The following KIAA1217 variants were observed in gnomAD, a reference collection of about 807,000 sequenced individuals.
KIAA1217 encodes the protein sickle tail protein homolog.
KIAA1217 carries 88 observed loss-of-function variants against 163.9 expected under a neutral mutation model. The ratio of observed to expected loss-of-function variants is 0.54; its 90% CI spans 0.45 to 0.64. The LOEUF (loss-of-function observed/expected upper bound fraction) is 0.64, where lower values mean the gene tolerates loss of function less well. KIAA1217 is among the 30% of genes least tolerant of loss of function. KIAA1217 has a pLI of 0.00. For synonymous variants in KIAA1217, 903 were observed against 923.1 expected (o/e 0.98, Z 0.39); for missense variants, 2,372 against 2,475.0 (o/e 0.96, Z 0.88).
chr10:24,429,481 C>T (rs1591849330), intron 3 of KIAA1217, among the ~76,000 whole-genome samples: 1 of 152,074 alleles, frequency 6.6e-6, no homozygotes, highest in South Asian at 2.1e-4. Flanking sequence ...TTTCATATTG[C>T]TCTTCTCTCT....
upstream of KIAA1217, among the ~76,000 whole-genome samples, chr10:24,204,471 A>T (rs1182502761): frequency 6.6e-6 from 1 of 152,174 alleles, no homozygotes; most frequent in Admixed American, 6.5e-5. Context: ...ATTGTTTAAG[A>T]TTAATTATTT....
At chr10:24,405,296 A>AT (rs1050276223) in intron 3 of KIAA1217, among the ~76,000 whole-genome samples, 5 of 152,090 alleles carry the variant, frequency 3.3e-5, no homozygotes, top group Admixed American at 1.3e-4. Context: ...TCTTATTATA[A>AT]TTTTTTTCAA....
rs1307460082 is a variant in KIAA1217 at position 24,092,903 on chromosome 10, T to C, written c.-171+85529T>C. ...AAGTGAATTTTACTGTGTGTATGTA[T>C]AGTGTGTGTGTGTGTGTGTGTGTGT... is the stretch of plus-strand genomic sequence containing the variant. On this transcript the variant is annotated intron_variant, in intron 2 of 18. Coordinates refer to the KIAA1217 transcript ENST00000376462. Among the ~76,000 whole-genome samples the C allele has an allele frequency of 2.2e-5, 3 of 135,408 alleles. 1 individual carries two copies. The highest frequency in any genetic ancestry group is 1.0e-4 in the African/African-American group (3 of 29,154). 88.8% of individuals were successfully genotyped at this position (135,408 alleles called of 152,430 possible). A position where few individuals can be genotyped will look rare whatever the true frequency, so the allele number is the denominator to read the frequency against.
chr10:24,434,341 A>G (rs1312942941), intron 4 of KIAA1217, among the ~76,000 whole-genome samples: 2 of 151,722 alleles, frequency 1.3e-5, no homozygotes, highest in Non-Finnish European at 2.9e-5. Flanking sequence ...GCCTGGCCTC[A>G]TCTCTCTTTT....
At chr10:24,238,460 C>G (rs2072585014) in intron 2 of KIAA1217, among the ~76,000 whole-genome samples, 1 of 152,078 alleles carries the variant, frequency 6.6e-6, no homozygotes, top group Admixed American at 6.6e-5. Flanking sequence ...GGACCATTTC[C>G]CAAAGCCTAG....
At chr10:24,147,006 TAAAAAAAAAAA>T (rs755857019) in intron 2 of KIAA1217, among the ~76,000 whole-genome samples, 3 of 110,726 alleles carry the variant, frequency 2.7e-5, no homozygotes, top group Non-Finnish European at 5.7e-5. Context: ...TTTGTTTTGT[TAAAAAAAAAAA>T]AAAAAAAAAA....
At chr10:24,448,307 T>C (rs1168278329) in intron 5 of KIAA1217, among the ~76,000 whole-genome samples, 1 of 152,172 alleles carries the variant, frequency 6.6e-6, no homozygotes, top group Admixed American at 6.5e-5. Flanking sequence ...ACTAAATCCC[T>C]AGACAACAAA....
chr10:24,065,624 GT>G (rs1347112570), intron 2 of KIAA1217, among the ~76,000 whole-genome samples: 6 of 152,220 alleles, frequency 3.9e-5, no homozygotes, highest in African/African-American at 1.4e-4. Context: ...TTCTGTTGAT[GT>G]GGGGTGGAGA....
chr10:24,277,090 T>G (rs2077389318), intron 2 of KIAA1217, among the ~76,000 whole-genome samples: 1 of 152,214 alleles, frequency 6.6e-6, no homozygotes, highest in Non-Finnish European at 1.5e-5. Context: ...AAACCAATCT[T>G]AAAATGTTTT....
At chr10:24,274,655 C>T (rs2077091755) in intron 2 of KIAA1217, among the ~76,000 whole-genome samples, 1 of 152,016 alleles carries the variant, frequency 6.6e-6, no homozygotes, top group South Asian at 2.1e-4. Context: ...ACTGAATTTC[C>T]TAGGGGAAAT....
At chr10:24,305,062 A>G (rs1047572577) in intron 2 of KIAA1217, among the ~76,000 whole-genome samples, 1 of 152,220 alleles carries the variant, frequency 6.6e-6, no homozygotes, top group Non-Finnish European at 1.5e-5. Context: ...GATGCAGGCA[A>G]AAGATGATGA....
At chr10:24,523,917 T>G (rs953928159) in intron 12 of KIAA1217, among the ~76,000 whole-genome samples, 7 of 152,102 alleles carry the variant, frequency 4.6e-5, no homozygotes, top group Non-Finnish European at 1.0e-4. Context: ...GGGAAGCCAG[T>G]GAGCAACAGG....
At chr10:24,479,987 GC>G (rs2133265721) in intron 6 of KIAA1217, among the ~76,000 whole-genome samples, 1 of 152,290 alleles carries the variant, frequency 6.6e-6, no homozygotes, top group Admixed American at 6.5e-5. Context: ...TCCCAGCACT[GC>G]CACGTGGGGG....
intron 2 of KIAA1217, among the ~76,000 whole-genome samples, chr10:24,106,606 G>T (rs1250910932): frequency 6.6e-6 from 1 of 152,016 alleles, no homozygotes; most frequent in Non-Finnish European, 1.5e-5. Flanking sequence ...CCTCAGTGAT[G>T]GGAGTTGGAA....
chr10:23,864,312 T>C (rs1031511300), intron 1 of KIAA1217, among the ~76,000 whole-genome samples: 1 of 152,106 alleles, frequency 6.6e-6, no homozygotes, highest in African/African-American at 2.4e-5. Flanking sequence ...CTGTGATAAC[T>C]GTCCGTTTTG....
At chr10:24,501,693 C>G (rs1564810460) in intron 9 of KIAA1217, 148 bp downstream of exon 9, 6 of 452,794 alleles carry the variant, frequency 1.3e-5, no homozygotes, top group East Asian at 3.6e-5. Context: ...AAGTCTAGAG[C>G]CTTCCACTGC....
At chr10:23,785,399 G>C (rs1217642505) in intron 1 of KIAA1217, among the ~76,000 whole-genome samples, 1 of 152,128 alleles carries the variant, frequency 6.6e-6, no homozygotes, top group Non-Finnish European at 1.5e-5. Context: ...ACACATTTCT[G>C]TTATGGGACT....
At chr10:24,359,617 C>T (rs186608547) in intron 2 of KIAA1217, among the ~76,000 whole-genome samples, 19 of 152,248 alleles carry the variant, frequency 1.2e-4, no homozygotes, top group South Asian at 4.1e-4. Context: ...ATGAAGCTTA[C>T]GCCCAGTTCT....
intron 5 of KIAA1217, among the ~76,000 whole-genome samples, chr10:24,457,009 C>T (rs750062794): frequency 2.7e-5 from 4 of 150,580 alleles, no homozygotes; most frequent in African/African-American, 7.3e-5. Flanking sequence ...GCCAATTAAA[C>T]CCTTTTTAAT....
Sources: gnomAD v4.1 joint callset for allele counts (sites outside exome capture counted in the v4.1 genomes callset) on GRCh38, gnomAD v4.1.1 for gene constraint, MANE v1.5 for transcripts, NCBI Gene and HGNC (gene_info 2026-07-23, HGNC 2026-07-21) for gene names.